Variants in NMT2 observed in about 807,000 individuals in gnomAD.
The protein encoded by NMT2 is N-myristoyltransferase 2.
A neutral mutation model predicts 65.4 loss-of-function variants in NMT2; 35 were observed. That is an observed-to-expected ratio of 0.54 (90% CI 0.41 to 0.71). The LOEUF is 0.71. Among genes scored for constraint, NMT2 ranks in the 30% least tolerant of loss-of-function variants. The pLI is 0.00. For synonymous variants in NMT2, 226 were observed against 231.8 expected, an observed-to-expected ratio of 0.98 and a Z score of 0.23; for missense variants, 489 against 611.3, an observed-to-expected ratio of 0.80 and a Z score of 2.11.
intron 7 of NMT2, among the ~76,000 whole-genome samples, chr10:15,129,268 C>T (rs985901146): frequency 3.3e-5 from 5 of 151,820 alleles, no homozygotes; most frequent in Non-Finnish European, 5.9e-5. Flanking sequence ...ATTTACTTAA[C>T]GAATGTAATA....
At chr10:15,121,096 C>T (rs1845913388) in intron 8 of NMT2, among the ~76,000 whole-genome samples, 1 of 152,154 alleles carries the variant, frequency 6.6e-6, no homozygotes, top group South Asian at 2.1e-4. Context: ...GGAAGCCCAA[C>T]AAACAGACAA....
In NMT2 at chr10:15,119,339, T is replaced by C; in HGVS notation, c.1170+4A>G. On this transcript the variant is annotated splice_donor_region_variant and intron_variant, in intron 9 of 11. Transcript: ENST00000378165. ...AAGCTTTATGTTTATCACCTTGTCTTTACCTCCACTACAAACGTGTCAATA... is the reference window on the plus strand; with the variant it reads ...AAGCTTTATGTTTATCACCTTGTCTCTACCTCCACTACAAACGTGTCAATA... The C allele has an allele frequency of 6.2e-7, 1 of 1,613,842 alleles. No homozygotes were observed. Among genetic ancestry groups the C allele is most frequent in the Non-Finnish European group, 8.5e-7 (1 of 1,179,878 alleles).
At chr10:15,154,762 T>G in intron 1 of NMT2, 1 of 647,766 alleles carries the variant, frequency 1.5e-6, no homozygotes, top group Non-Finnish European at 2.8e-6. Context: ...ACAAAAGGAA[T>G]GGTCTGGTGG....
intron 1 of NMT2, among the ~76,000 whole-genome samples, chr10:15,154,041 T>G (rs184436423): frequency 2.6e-5 from 4 of 152,338 alleles, no homozygotes; most frequent in Admixed American, 2.6e-4. Context: ...CAAGCACATT[T>G]ATCTTTCGTG....
At chr10:15,150,287 T>C (rs142199447) in intron 1 of NMT2, among the ~76,000 whole-genome samples, 169 of 152,348 alleles carry the variant, frequency 1.1e-3, no homozygotes, top group African/African-American at 4.0e-3. Context: ...AAGTTGATCA[T>C]GTGACCATCA....
At chr10:15,161,729 T>C (rs905739299) in intron 1 of NMT2, among the ~76,000 whole-genome samples, 8 of 152,154 alleles carry the variant, frequency 5.3e-5, no homozygotes, top group Non-Finnish European at 7.4e-5. Context: ...AAGTCTAAAA[T>C]GTTTTTGTTA....
chr10:15,107,930 T>C lies in NMT2; in HGVS notation c.*1265A>G. ...AAAATTATGAATACTTATTTACAAATAAGACATTTTCCATTAGCATGACAC... is the reference window on the plus strand; with the variant it reads ...AAAATTATGAATACTTATTTACAAACAAGACATTTTCCATTAGCATGACAC... On this transcript the variant is annotated 3_prime_UTR_variant, in exon 12 of 12. Transcript: ENST00000378165. 2 of 985,606 alleles carry C rather than the reference T, an allele frequency of 2.0e-6. No homozygotes were observed. The highest frequency in any genetic ancestry group is 2.4e-6 in the Non-Finnish European group (2 of 829,708). The allele number at this position is 985,606 out of a possible 1,614,324, so 61.1% of individuals were successfully genotyped here.
In NMT2 at chr10:15,108,390, T is replaced by C. The variant is rs770237742; in HGVS notation, c.*805A>G. 1.8e-6 allele frequency: 1 copy of C among 562,138 alleles called. No individual in the cohort carries two copies. The highest frequency in any genetic ancestry group is 2.1e-5 in the African/African-American group (1 of 48,764). The allele number at this position is 562,138 out of a possible 1,614,324, so 34.8% of individuals were successfully genotyped here. ...TTAGTAGAGATGGGGTTTCACTATGTTGGCCAGAATGGTCTCGATCTCCTG... is the reference window on the plus strand; with the variant it reads ...TTAGTAGAGATGGGGTTTCACTATGCTGGCCAGAATGGTCTCGATCTCCTG... On this transcript the variant is annotated 3_prime_UTR_variant, in exon 12 of 12. Transcript: ENST00000378165.
At chr10:15,125,196 A>C (rs749913664) in intron 8 of NMT2, among the ~76,000 whole-genome samples, 4 of 152,248 alleles carry the variant, frequency 2.6e-5, no homozygotes, top group Non-Finnish European at 4.4e-5. Flanking sequence ...CTGTGAGAAT[A>C]AATTGAATAA....
intron 1 of NMT2, among the ~76,000 whole-genome samples, chr10:15,156,136 T>C (rs776884969): frequency 2.6e-5 from 4 of 152,110 alleles, no homozygotes; most frequent in Non-Finnish European, 5.9e-5. Flanking sequence ...TGTGTCCCCA[T>C]CCAAATCTCA....
At chr10:15,151,065 T>G (rs1832784930) in intron 1 of NMT2, among the ~76,000 whole-genome samples, 1 of 151,828 alleles carries the variant, frequency 6.6e-6, no homozygotes, top group Non-Finnish European at 1.5e-5. Flanking sequence ...CCTCCTTTTT[T>G]TTTTTTTTTG....
chr10:15,147,761 T>C (rs1379732824), intron 1 of NMT2, among the ~76,000 whole-genome samples: 3 of 152,214 alleles, frequency 2.0e-5, no homozygotes, highest in Non-Finnish European at 2.9e-5. Flanking sequence ...TGGCATTTAG[T>C]AGATGCTCAA....
chr10:15,154,733 G>T (rs577353448), intron 1 of NMT2: 2 of 577,082 alleles, frequency 3.5e-6, no homozygotes, highest in Admixed American at 4.1e-5. Context: ...AAATGGGGTG[G>T]AGGGTGTTCT....
chr10:15,158,593 G>C (rs974702721), intron 1 of NMT2, among the ~76,000 whole-genome samples: 1 of 152,230 alleles, frequency 6.6e-6, no homozygotes, highest in African/African-American at 2.4e-5. Flanking sequence ...ACCAGGTATT[G>C]CAAGGATTGG....
intron 1 of NMT2, among the ~76,000 whole-genome samples, chr10:15,164,131 C>T (rs1481294512): frequency 1.4e-5 from 2 of 143,374 alleles, no homozygotes; most frequent in Non-Finnish European, 3.0e-5. Context: ...TGCAGTGAGC[C>T]GAGATCGCGC....
chr10:15,121,398 A>C (rs1845926263), intron 8 of NMT2, among the ~76,000 whole-genome samples: 1 of 151,960 alleles, frequency 6.6e-6, no homozygotes, highest in African/African-American at 2.4e-5. Flanking sequence ...ACGGAGTCTC[A>C]CTCTTGTCAC....
rs114118567 is a variant in NMT2 at position 15,154,587 on chromosome 10, A to G, written c.111-13030T>C. Among the ~76,000 whole-genome samples, 632 of 152,284 alleles carry G rather than the reference A, an allele frequency of 4.2e-3. 3 individuals carry two copies. The highest frequency in any genetic ancestry group is 0.014 in the African/African-American group (585 of 41,556). ...TTCACAATTTTATGGGTAGATTATT[A>G]TTATTTTTTGTTAGTTTTTATTTCA... On this transcript the variant is annotated intron_variant, in intron 1 of 11. Coordinates refer to ENST00000378165, the MANE Select transcript of NMT2 (RefSeq NM_004808.3).
At chr10:15,168,404 C>T (rs758101946) in intron 1 of NMT2, 99 bp downstream of exon 1, 3 of 871,094 alleles carry the variant, frequency 3.4e-6, no homozygotes, top group Non-Finnish European at 5.4e-6. Context: ...GCGGAGCGGC[C>T]GAAGAACCCC....
Position 15,107,743 on chromosome 10 carries a change from C to T in NMT2, c.*1452G>A. The stretch of plus-strand genomic sequence containing the variant: ...GTGCTGGGATTACAGGCGTGAGCCA[C>T]CACACCCAGCCAAGGCATCTACTTT... On this transcript the variant is annotated 3_prime_UTR_variant, in exon 12 of 12. Transcript: ENST00000378165. 1.0e-6 allele frequency: 1 copy of T among 984,380 alleles called. No individual in the cohort carries two copies. The allele number at this position is 984,380 out of a possible 1,614,324, so 61.0% of individuals were successfully genotyped here.
Sources: gnomAD v4.1 joint callset for allele counts (sites outside exome capture counted in the v4.1 genomes callset) on GRCh38, gnomAD v4.1.1 for gene constraint, MANE v1.5 for transcripts, NCBI Gene and HGNC (gene_info 2026-07-23, HGNC 2026-07-21) for gene names.